DBH: variants seen among roughly 807,000 people sequenced by gnomAD.
DBH encodes dopamine beta-hydroxylase (dopamine beta-monooxygenase).
DBH carries 49 observed loss-of-function variants against 64.0 expected under a neutral mutation model. That is an observed-to-expected ratio of 0.77 (90% CI 0.61 to 0.97). DBH has a LOEUF of 0.97. Among genes scored for constraint, DBH ranks in the 50% least tolerant of loss-of-function variants. DBH has a pLI of 0.00. For missense variants in DBH, 828 were observed against 826.6 expected, an observed-to-expected ratio of 1.00 and a Z score of -0.02; for synonymous variants, 343 against 347.1, an observed-to-expected ratio of 0.99 and a Z score of 0.13.
chr9:133,642,431 T>C lies in DBH; in HGVS notation c.711T>C (p.Leu237=). 6.2e-7 allele frequency: 1 copy of C among 1,612,950 alleles called. No homozygotes were observed. Among genetic ancestry groups the C allele is most frequent in the South Asian group, 1.1e-5 (1 of 90,774 alleles). ...ETTYWCYIKE[L]PKGFSRHHII... Reference sequence around the variant, plus strand: ...CGTACTGGTGCTACATTAAGGAGCTTCCAAAGGGCTTCTCTCGGCACCACA... The same window carrying C: ...CGTACTGGTGCTACATTAAGGAGCTCCCAAAGGGCTTCTCTCGGCACCACA... Residue 237 remains leucine (L), a synonymous_variant, in exon 3 of 12, where the codon CTT becomes CTC. Transcript: ENST00000393056.
chr9:133,642,448 G>T lies in DBH; in HGVS notation c.728G>T (p.Arg243Leu). 6.2e-7 allele frequency: 1 copy of T among 1,610,886 alleles called. No homozygotes were observed. ...AAGGAGCTTCCAAAGGGCTTCTCTC[G>T]GCACCACATTATCAAGGTACGTGCG... ...YIKELPKGFSRHHIIKYEPIV... is the reference protein window; with the variant it reads ...YIKELPKGFSLHHIIKYEPIV... The change falls in exon 3 of 12, where the codon CGG (arginine) becomes CTG (leucine). Residue 243 changes from arginine (R) to leucine (L), a missense_variant. Transcript: ENST00000393056.
chr9:133,641,129 C>T (rs1011210252), intron 2 of DBH, among the ~76,000 whole-genome samples: 3 of 152,210 alleles, frequency 2.0e-5, no homozygotes, highest in Non-Finnish European at 4.4e-5. Flanking sequence ...GTGTAAACAA[C>T]TCTGGCCATC....
At chr9:133,655,691 CA>C (rs1051065062) in intron 9 of DBH, 4 of 152,438 alleles carry the variant, frequency 2.6e-5, no homozygotes, top group Non-Finnish European at 4.4e-5. Context: ...AGCAGCTTCA[CA>C]AACAGCGGGG....
rs1832138515 is a variant in DBH, at chr9:133,643,255, TC to T, written c.745-156del. Among the ~76,000 whole-genome samples the T allele has an allele frequency of 6.6e-6, 1 of 151,484 alleles. No individual in the cohort carries two copies. The highest frequency in any genetic ancestry group is 1.5e-5 in the Non-Finnish European group (1 of 67,904). On this transcript the variant is annotated intron_variant, in intron 3 of 11. Transcript: ENST00000393056. This position sits in a 1 kb window ranked among gnomAD's most constrained non-coding sequence, Gnocchi z 5.3. The stretch of plus-strand genomic sequence containing the variant: ...CGGGATTTCTTTCTGGGCTGATGGC[TC>T]CACCCTCAAGGCTGTGAACCCCAGA...
chr9:133,657,099 C>T lies in DBH; in HGVS notation c.1592C>T (p.Pro531Leu), dbSNP rs772817987. Residue 531 changes from proline to leucine, a missense_variant, in exon 11 of 12, where the codon CCT becomes CTT. Pro to Leu is a moderately conservative substitution (Grantham distance 98). Coordinates refer to ENST00000393056, the MANE Select transcript of DBH (RefSeq NM_000787.4). The part of the protein sequence containing the change: ...RFNNEDVCTC[P>L]QASVSQQFTS... ...AACAACGAGGATGTCTGCACCTGCC[C>T]TCAGGCGTCCGTGTCTCAGCAGTTC... is the stretch of plus-strand genomic sequence containing the variant. 1 of 1,613,916 alleles carries T rather than the reference C, an allele frequency of 6.2e-7. No homozygotes were observed. The highest frequency in any genetic ancestry group is 1.1e-5 in the South Asian group (1 of 91,088).
At chr9:133,650,702 C>T (rs1294623302) in intron 6 of DBH, among the ~76,000 whole-genome samples, 1 of 151,872 alleles carries the variant, frequency 6.6e-6, no homozygotes, top group Non-Finnish European at 1.5e-5. Flanking sequence ...CACGTGCCAC[C>T]ATGCCCGGCC....
At chr9:133,649,605 G>C (rs539499314) in intron 6 of DBH, among the ~76,000 whole-genome samples, 1 of 152,342 alleles carries the variant, frequency 6.6e-6, no homozygotes, top group African/African-American at 2.4e-5. Flanking sequence ...GAAGGGAGAC[G>C]GAGCTCTCAG....
In DBH at chr9:133,643,288, C is replaced by T; in HGVS notation, c.745-125C>T. 6.9e-6 allele frequency: 7 copies of T among 1,015,800 alleles called. No homozygotes were observed. In the South Asian group the frequency reaches 9.6e-5, roughly 14 times the overall value. The allele number at this position is 1,015,800 out of a possible 1,614,324, so 62.9% of individuals were successfully genotyped here. On this transcript the variant is annotated intron_variant, in intron 3 of 11. Coordinates refer to ENST00000393056, the MANE Select transcript of DBH (RefSeq NM_000787.4). The surrounding 1 kb of genome is among the most constrained non-coding windows in gnomAD (Gnocchi z 5.3). ...CAAGGCTGTGAACCCCAGAAGTGCC[C>T]CTGAAATTGTCTGGATCATCCCTCC... is the stretch of plus-strand genomic sequence containing the variant.
intron 6 of DBH, among the ~76,000 whole-genome samples, chr9:133,651,218 C>A (rs1018259603): frequency 2.0e-5 from 3 of 152,274 alleles, no homozygotes; most frequent in African/African-American, 7.2e-5. Context: ...CCTTCTGCCA[C>A]TTGCTTTTCC....
At chr9:133,646,374 G>A (rs974323270) in intron 5 of DBH, among the ~76,000 whole-genome samples, 35 of 152,040 alleles carry the variant, frequency 2.3e-4, no homozygotes, top group Non-Finnish European at 4.4e-4. Flanking sequence ...GGGGCATGGG[G>A]CCAGGCCTTT....
chr9:133,657,485 A>G (rs1366524553), intron 11 of DBH, among the ~76,000 whole-genome samples: 11 of 146,470 alleles, frequency 7.5e-5, no homozygotes, highest in Non-Finnish European at 1.4e-4. Flanking sequence ...AGAGGGAGAG[A>G]GGAGAGAGAG....
At chr9:133,658,258 AG>A (rs1406216333) in intron 11 of DBH, 57 bp from the exon 12 acceptor site, 9 of 1,602,574 alleles carry the variant, frequency 5.6e-6, no homozygotes, top group Admixed American at 1.7e-5. Flanking sequence ...TGGCTGGGGA[AG>A]CAGCCACCCA....
At chr9:133,636,824 T>A in intron 1 of DBH, 114 bp downstream of exon 1, 1 of 992,994 alleles carries the variant, frequency 1.0e-6, no homozygotes, top group Non-Finnish European at 1.5e-6. Flanking sequence ...CACCTGTCAG[T>A]GTTTGAGTTG....
intron 1 of DBH, among the ~76,000 whole-genome samples, chr9:133,638,140 A>T (rs1184582662): frequency 6.6e-6 from 1 of 152,252 alleles, no homozygotes; most frequent in East Asian, 1.9e-4. Context: ...GTGCACTGGC[A>T]AGGTTAATTT....
intron 5 of DBH, among the ~76,000 whole-genome samples, chr9:133,645,976 C>G (rs1280822239): frequency 6.6e-6 from 1 of 152,108 alleles, no homozygotes; most frequent in Non-Finnish European, 1.5e-5. Context: ...TTGGTTTGAT[C>G]AGAAAGGGCA....
In DBH at chr9:133,657,181, C is replaced by G; in HGVS notation, c.1674C>G (p.Phe558Leu). ...ACGTACTGAAGGCCCTGTACAGCTT[C>G]GCGCCCATCTCCATGCACTGCAACA... ...NRDVLKALYSFAPISMHCNKS... is the reference protein window; with the variant it reads ...NRDVLKALYSLAPISMHCNKS... Residue 558 changes from phenylalanine to leucine, a missense_variant, in exon 11 of 12, where the codon TTC (phenylalanine) becomes TTG (leucine). By Grantham distance (22) the Phe-to-Leu change is conservative (BLOSUM62 0). Transcript: ENST00000393056. 1 of 1,614,136 alleles carries G rather than the reference C, an allele frequency of 6.2e-7. No homozygotes were observed. The highest frequency in any genetic ancestry group is 8.5e-7 in the Non-Finnish European group (1 of 1,180,032).
At chr9:133,654,138 G>A (rs866993377) in intron 9 of DBH, among the ~76,000 whole-genome samples, 2 of 120,542 alleles carry the variant, frequency 1.7e-5, no homozygotes, top group East Asian at 2.6e-4. Context: ...TTTTTGAGAC[G>A]GAGTCTCGCT....
chr9:133,657,877 G>A (rs750034208), intron 11 of DBH, among the ~76,000 whole-genome samples: 1 of 152,218 alleles, frequency 6.6e-6, no homozygotes, highest in African/African-American at 2.4e-5. Flanking sequence ...TAACTGCTAA[G>A]TCAAACATCC....
chr9:133,637,231 C>A (rs1380105774), intron 1 of DBH, among the ~76,000 whole-genome samples: 1 of 152,230 alleles, frequency 6.6e-6, no homozygotes, highest in South Asian at 2.1e-4. Flanking sequence ...GACACCCTGC[C>A]CCTACCCATA....
Sources: allele counts gnomAD v4.1 joint callset (sites outside exome capture counted in the v4.1 genomes callset), GRCh38; gene constraint gnomAD v4.1.1; non-coding constraint Gnocchi (gnomAD v3.1); transcripts MANE v1.5; gene names NCBI Gene and HGNC (gene_info 2026-07-23, HGNC 2026-07-21).